Variants in AR observed in about 807,000 individuals in gnomAD.
AR encodes androgen receptor.
In AR, 8 loss-of-function variants were observed where a neutral mutation model predicts 53.9. That is an observed-to-expected ratio of 0.15 (90% CI 0.09 to 0.27). AR has a LOEUF of 0.27. Among genes scored for constraint, AR ranks in the 10% least tolerant of loss-of-function variants. AR has a pLI of 1.00. For synonymous variants in AR, 359 were observed against 316.4 expected (o/e 1.13, Z -1.43); for missense variants, 639 against 742.5 (o/e 0.86, Z 1.62).
At chrX:67,625,994 C>G (rs1924612287) in intron 1 of AR, among the ~76,000 whole-genome samples, 1 of 111,214 alleles carries the variant, frequency 9.0e-6, no homozygotes, top group Non-Finnish European at 1.9e-5. Flanking sequence ...TATTTTGATA[C>G]AGGCATACAA....
At chrX:67,589,417 A>C (rs913170699) in intron 1 of AR, among the ~76,000 whole-genome samples, 6 of 111,923 alleles carry the variant, frequency 5.4e-5, no homozygotes, top group African/African-American at 2.0e-4. Flanking sequence ...CAGAGTGTGT[A>C]TGTTAGTATG....
intron 1 of AR, among the ~76,000 whole-genome samples, chrX:67,552,962 TA>T (rs769903470): frequency 0.01 from 1,177 of 112,306 alleles, 11 homozygotes; most frequent in Middle Eastern, 0.019. Flanking sequence ...GATTTGTAGA[TA>T]TTTTTTCACA....
intron 2 of AR, among the ~76,000 whole-genome samples, chrX:67,679,164 G>C (rs1346897152): frequency 1.8e-5 from 2 of 111,106 alleles, no homozygotes; most frequent in Non-Finnish European, 3.8e-5. Context: ...ATTATTATTT[G>C]TCAATTTAGA....
intron 3 of AR, chrX:67,695,642 G>A (rs2076016218): frequency 1.3e-6 from 1 of 750,754 alleles, no homozygotes; most frequent in African/African-American, 2.3e-5. Context: ...TGGAGAAGTG[G>A]AGTCTGTGAA....
intron 2 of AR, among the ~76,000 whole-genome samples, chrX:67,647,384 A>G (rs914983768): frequency 1.5e-4 from 17 of 111,925 alleles, no homozygotes; most frequent in East Asian, 5.6e-4. Flanking sequence ...GTGAACCCTC[A>G]TTGAACTCTT....
chrX:67,553,779 T>G (rs181866750), intron 1 of AR, among the ~76,000 whole-genome samples: 15 of 112,710 alleles, frequency 1.3e-4, no homozygotes, highest in African/African-American at 4.5e-4. Flanking sequence ...TAAAATTTAT[T>G]CCTAAGTGAT....
intron 3 of AR, among the ~76,000 whole-genome samples, chrX:67,711,060 G>T (rs1476881101): frequency 8.9e-6 from 1 of 112,027 alleles, no homozygotes; most frequent in Non-Finnish European, 1.9e-5. Flanking sequence ...GAACGAAAAT[G>T]AATCATTAAT....
chrX:67,685,143 G>A (rs1031431271), intron 2 of AR, among the ~76,000 whole-genome samples: 10 of 111,663 alleles, frequency 9.0e-5, no homozygotes. Context: ...TATTCCTGCT[G>A]GTGACTCTGT....
intron 1 of AR, among the ~76,000 whole-genome samples, chrX:67,610,605 T>C (rs1348315166): frequency 9.0e-6 from 1 of 111,315 alleles, no homozygotes; most frequent in African/African-American, 3.3e-5. Flanking sequence ...TACACTATAA[T>C]TACTGTTCTA....
intron 1 of AR, among the ~76,000 whole-genome samples, chrX:67,632,222 G>A (rs1330029764): frequency 9.0e-6 from 1 of 111,422 alleles, no homozygotes; most frequent in South Asian, 3.7e-4. Context: ...GCAATGGCAG[G>A]TGCCCCTCCC....
intron 3 of AR, among the ~76,000 whole-genome samples, chrX:67,698,341 G>T (rs929972515): frequency 8.9e-6 from 1 of 112,301 alleles, no homozygotes; most frequent in Non-Finnish European, 1.9e-5. Context: ...GCCACAAACT[G>T]GCTTCCCCAG....
chrX:67,675,752 G>T (rs1386247849), intron 2 of AR, among the ~76,000 whole-genome samples: 1 of 111,925 alleles, frequency 8.9e-6, no homozygotes, highest in East Asian at 2.8e-4. Context: ...ACCAGTTACT[G>T]TGATTGCTCA....
chrX:67,710,767 C>T (rs1050612822), intron 3 of AR, among the ~76,000 whole-genome samples: 1 of 112,326 alleles, frequency 8.9e-6, no homozygotes, highest in African/African-American at 3.2e-5. Flanking sequence ...CCTGAACACT[C>T]CTTGGTGCTT....
chrX:67,673,786 A>G (rs967683123), intron 2 of AR, among the ~76,000 whole-genome samples: 1 of 110,887 alleles, frequency 9.0e-6, no homozygotes, highest in Non-Finnish European at 1.9e-5. Flanking sequence ...CAGGATTGCT[A>G]TCTGGTGCTT....
In AR at chrX:67,723,967, C is replaced by A; in HGVS notation, c.*126C>A. 1 of 908,075 alleles carries A rather than the reference C, an allele frequency of 1.1e-6. No individual in the cohort carries two copies. Among genetic ancestry groups the A allele is most frequent in the South Asian group, 2.2e-5 (1 of 44,477 alleles). The allele number at this position is 908,075 out of a possible 1,213,427, so 74.8% of individuals were successfully genotyped here. A position where few individuals can be genotyped will look rare whatever the true frequency, so the allele number is the denominator to read the frequency against. ...TTTCCTCTATTGATGTACAGTCTGT[C>A]ATGAACATGTTCCTGAATTCTATTT... On this transcript the variant is annotated 3_prime_UTR_variant, in exon 8 of 8. Transcript: ENST00000374690.
intron 1 of AR, among the ~76,000 whole-genome samples, chrX:67,547,422 A>C (rs1431328668): frequency 9.0e-6 from 1 of 111,583 alleles, no homozygotes; most frequent in African/African-American, 3.3e-5. Context: ...CAGAGGGGCA[A>C]CTTTCTTGGT....
chrX:67,544,710 G>A lies in AR; in HGVS notation c.-437G>A, dbSNP rs1476360291. On this transcript the variant is annotated 5_prime_UTR_variant, in exon 1 of 8. It removes an upstream start codon present in the reference 5' UTR. Transcript: ENST00000374690. The stretch of plus-strand genomic sequence containing the variant: ...AGTGCGGAGCCAGAGATCAAAAGAT[G>A]AAAAGGCAGTCAGGTCTTCAGTAGC... The A allele has an allele frequency of 1.2e-5, 2 of 172,938 alleles. No individual in the cohort carries two copies. Among genetic ancestry groups the A allele is most frequent in the Non-Finnish European group, 2.2e-5 (2 of 91,906 alleles). The allele number at this position is 172,938 out of a possible 1,213,427, so 14.3% of individuals were successfully genotyped here.
chrX:67,673,827 C>T (rs938303262), intron 2 of AR, among the ~76,000 whole-genome samples: 5 of 110,892 alleles, frequency 4.5e-5, no homozygotes, highest in African/African-American at 1.6e-4. Context: ...GTCATGTTTT[C>T]CTGGATGGTG....
At chrX:67,710,474 C>T (rs772262813) in intron 3 of AR, among the ~76,000 whole-genome samples, 1 of 110,463 alleles carries the variant, frequency 9.1e-6, no homozygotes, top group South Asian at 3.9e-4. Context: ...ATGTGCACCA[C>T]CAGACCCAGC....
Sources: allele counts gnomAD v4.1 joint callset (sites outside exome capture counted in the v4.1 genomes callset), GRCh38; gene constraint gnomAD v4.1.1; transcripts MANE v1.5; gene names NCBI Gene and HGNC (gene_info 2026-07-23, HGNC 2026-07-21).